The following ACBD6 variants were observed in gnomAD, a reference collection of about 807,000 sequenced individuals.
ACBD6 encodes the protein acyl-CoA binding domain containing 6.
ACBD6 carries 28 observed loss-of-function variants against 37.2 expected under a neutral mutation model. That is an observed-to-expected ratio of 0.75 (90% CI 0.56 to 1.03). The LOEUF is 1.03. ACBD6 is among the 50% of genes least tolerant of loss of function. The probability of loss-of-function intolerance (pLI) is 0.00; values close to 1 mark genes in which losing one functional copy is unlikely to be tolerated. For missense variants in ACBD6, 340 were observed against 337.4 expected (o/e 1.01, Z -0.06); for synonymous variants, 113 against 126.8 (o/e 0.89, Z 0.73).
intron 3 of ACBD6, among the ~76,000 whole-genome samples, chr1:180,450,803 T>TA (rs999020784): frequency 1.3e-5 from 2 of 151,560 alleles, no homozygotes; most frequent in Non-Finnish European, 2.9e-5. Context: ...AAGACTCATA[T>TA]AAAAAACTGA....
rs1161727806 is a variant in ACBD6 at position 180,318,165 on chromosome 1, C to CA, written c.664-3444_664-3443insT. On this transcript the variant is annotated intron_variant, in intron 6 of 7. Transcript: ENST00000367595. Reference sequence around the variant, plus strand: ...TGACAGAGTAAGATTCCATCTCCGCCCCCCCCCCCCAAAAAAAAAAGAAAG... The same window carrying CA: ...TGACAGAGTAAGATTCCATCTCCGCCACCCCCCCCCCAAAAAAAAAAGAAAG... 5.5e-4 allele frequency among the ~76,000 whole-genome samples: 40 copies of CA among 72,240 alleles called. 2 individuals are homozygous for CA. The highest frequency in any genetic ancestry group is 2.9e-3 in the African/African-American group (31 of 10,668). The allele number at this position is 72,240 out of a possible 152,430, so 47.4% of individuals were successfully genotyped here.
At chr1:180,417,150 G>A (rs778555264) in intron 4 of ACBD6, among the ~76,000 whole-genome samples, 1 of 152,128 alleles carries the variant, frequency 6.6e-6, no homozygotes, top group Non-Finnish European at 1.5e-5. Flanking sequence ...CCTTTAAAGA[G>A]ATATGCAGGT....
rs547334916 is a variant in ACBD6 at position 180,493,568 on chromosome 1, A to C, written c.288-1203T>G. 3.3e-5 allele frequency among the ~76,000 whole-genome samples: 5 copies of C among 152,258 alleles called. No individual in the cohort carries two copies. In the South Asian group the frequency reaches 8.3e-4, roughly 25 times the overall value. On this transcript the variant is annotated intron_variant, in intron 2 of 7. Transcript: ENST00000367595. Reference sequence around the variant, plus strand: ...TATAATATCTTTCTGAGGTTTTCTAAATTTATTTTCACTGAATTCCTTAAG... The same window carrying C: ...TATAATATCTTTCTGAGGTTTTCTACATTTATTTTCACTGAATTCCTTAAG...
At chr1:180,314,595 T>C in intron 7 of ACBD6, 97 bp downstream of exon 7, 1 of 1,004,010 alleles carries the variant, frequency 1.0e-6, no homozygotes, top group Non-Finnish European at 1.5e-6. Context: ...AGCTGCCAGG[T>C]ACCTATCTAA....
At chr1:180,337,050 T>A (rs1651752115) in intron 6 of ACBD6, among the ~76,000 whole-genome samples, 2 of 151,744 alleles carry the variant, frequency 1.3e-5, no homozygotes, top group Admixed American at 1.3e-4. Context: ...GGACCAGACA[T>A]TCACAGCCGA....
intron 5 of ACBD6, among the ~76,000 whole-genome samples, chr1:180,405,804 T>C (rs541159340): frequency 1.3e-3 from 199 of 152,238 alleles, no homozygotes; most frequent in African/African-American, 4.6e-3. Context: ...AAATCATCCC[T>C]GCCCCTTAAA....
chr1:180,272,110 C>G (rs1423577003), intron 13 of ACBD6: 4 of 1,015,898 alleles, frequency 3.9e-6, no homozygotes, highest in African/African-American at 1.6e-5. Flanking sequence ...TTGGCAACTC[C>G]CTCCTGAACA....
At chr1:180,492,537 C>T (rs368446319) in intron 2 of ACBD6, among the ~76,000 whole-genome samples, 172 bp from the exon 3 acceptor site, 2 of 152,178 alleles carry the variant, frequency 1.3e-5, no homozygotes, top group Admixed American at 6.5e-5. Flanking sequence ...TAGAGCTATA[C>T]AGACCTTATT....
intron 6 of ACBD6, among the ~76,000 whole-genome samples, chr1:180,325,960 C>T (rs183578663): frequency 1.3e-4 from 20 of 152,308 alleles, no homozygotes; most frequent in Admixed American, 1.2e-3. Flanking sequence ...TGGGACTGCA[C>T]TGGGTTGTAT....
rs756569643 is a variant in ACBD6, at chr1:180,397,643, T to C, written c.574-38A>G. ...AAGATAAATGAATTTGTTATCTCAG[T>C]TGTGGAGCCATGTAAAAGATATAAT... On this transcript the variant is annotated intron_variant, in intron 5 of 7. Coordinates refer to ENST00000367595, the MANE Select transcript of ACBD6 (RefSeq NM_032360.4). 1.5e-5 allele frequency: 22 copies of C among 1,480,946 alleles called. No individual in the cohort carries two copies. The Middle Eastern group carries it at 8.5e-4, about 57-fold the overall frequency. 91.7% of individuals were successfully genotyped at this position (1,480,946 alleles called of 1,614,324 possible).
chr1:180,389,455 T>C (rs1321069981), intron 6 of ACBD6, among the ~76,000 whole-genome samples: 5 of 152,228 alleles, frequency 3.3e-5, no homozygotes, highest in Non-Finnish European at 5.9e-5. Flanking sequence ...AGTGCTGCAA[T>C]AAACATACGT....
At chr1:180,405,146 CAT>C (rs2101962641) in intron 5 of ACBD6, among the ~76,000 whole-genome samples, 1 of 152,272 alleles carries the variant, frequency 6.6e-6, no homozygotes, top group Non-Finnish European at 1.5e-5. Flanking sequence ...TCTCAAATCT[CAT>C]ATAACTGCAT....
intron 4 of ACBD6, among the ~76,000 whole-genome samples, chr1:180,425,535 A>G (rs935818207): frequency 1.3e-5 from 2 of 152,230 alleles, no homozygotes; most frequent in African/African-American, 4.8e-5. Context: ...TCATTAGGAT[A>G]GTGGTGTTCC....
intron 6 of ACBD6, among the ~76,000 whole-genome samples, chr1:180,382,561 A>T (rs1358239974): frequency 1.3e-5 from 2 of 152,210 alleles, no homozygotes; most frequent in African/African-American, 4.8e-5. Context: ...ATCAGTGATA[A>T]AAAGTCTCTC....
intron 6 of ACBD6, among the ~76,000 whole-genome samples, chr1:180,377,099 G>A (rs1269758020): frequency 6.6e-6 from 1 of 152,040 alleles, no homozygotes; most frequent in Admixed American, 6.5e-5. Flanking sequence ...ACTCCTTTAT[G>A]CGTATATACT....
chr1:180,396,939 C>T (rs7517775), intron 6 of ACBD6, among the ~76,000 whole-genome samples: 23,997 of 152,092 alleles, frequency 0.16, 1,958 homozygotes, highest in Middle Eastern at 0.22. Context: ...TAACTCCACT[C>T]CTATGTCTAC....
At chr1:180,369,492 A>G (rs1261697345) in intron 6 of ACBD6, among the ~76,000 whole-genome samples, 3 of 152,354 alleles carry the variant, frequency 2.0e-5, no homozygotes, top group African/African-American at 7.2e-5. Context: ...AGGGAGAAAT[A>G]AAAGAGAGAC....
At chr1:180,420,785 T>C (rs1288817056) in intron 4 of ACBD6, among the ~76,000 whole-genome samples, 3 of 152,206 alleles carry the variant, frequency 2.0e-5, no homozygotes, top group Admixed American at 2.0e-4. Context: ...CCTTTTCCCT[T>C]CAAGGCACAG....
At chr1:180,308,130 A>G (rs895710778) in intron 7 of ACBD6, among the ~76,000 whole-genome samples, 2 of 152,144 alleles carry the variant, frequency 1.3e-5, no homozygotes, top group African/African-American at 4.8e-5. Context: ...TATCCGCTGT[A>G]AAATTTCTGT....
Sources: gnomAD v4.1 joint callset for allele counts (sites outside exome capture counted in the v4.1 genomes callset) on GRCh38, gnomAD v4.1.1 for gene constraint, MANE v1.5 for transcripts, NCBI Gene and HGNC (gene_info 2026-07-23, HGNC 2026-07-21) for gene names.